The following CSMD1 variants were observed in gnomAD, a reference collection of about 807,000 sequenced individuals.
CSMD1 encodes the protein CUB and Sushi multiple domains 1.
A neutral mutation model predicts 417.5 loss-of-function variants in CSMD1; 213 were observed. The ratio of observed to expected loss-of-function variants is 0.51; its 90% confidence interval spans 0.46 to 0.57. The LOEUF (loss-of-function observed/expected upper bound fraction) is 0.57, where lower values mean the gene tolerates loss of function less well. Ranked by LOEUF, CSMD1 falls within the 20% of genes least tolerant of loss-of-function variation. The pLI, the probability that CSMD1 is intolerant of heterozygous loss-of-function variation, is 0.00. For synonymous variants in CSMD1, 2,862 were observed against 1,736.8 expected (o/e 1.65, Z -16.11); for missense variants, 6,923 against 4,529.7 (o/e 1.53, Z -15.17).
chr8:4,233,520 G>C (rs1801867325), intron 3 of CSMD1, among the ~76,000 whole-genome samples: 1 of 152,154 alleles, frequency 6.6e-6, no homozygotes. Flanking sequence ...CCTTATAAAA[G>C]AGGACGCAGA....
At chr8:3,786,359 G>A (rs748911444) in intron 5 of CSMD1, among the ~76,000 whole-genome samples, 2 of 152,128 alleles carry the variant, frequency 1.3e-5, no homozygotes, top group Non-Finnish European at 2.9e-5. Flanking sequence ...GGGCTTGGGT[G>A]ACCTCATTTA....
chr8:3,345,456 G>C (rs1807928180), intron 22 of CSMD1, among the ~76,000 whole-genome samples: 1 of 152,054 alleles, frequency 6.6e-6, no homozygotes, highest in African/African-American at 2.4e-5. Context: ...GTTCTCTAAA[G>C]TTAAAATCTG....
In CSMD1 at chr8:4,220,169, T is replaced by C. The variant is rs116053621; in HGVS notation, c.416-188070A>G. Among the ~76,000 whole-genome samples, 312 of 152,308 alleles carry C rather than the reference T, an allele frequency of 2.0e-3. 1 individual carries two copies. Among genetic ancestry groups the C allele is most frequent in the African/African-American group, 7.0e-3 (292 of 41,566 alleles). ...TTTTGCCATGTCGGCCAAGCTCGTC[T>C]TGAACTCCTGACGTCAGGTGATGTG... On this transcript the variant is annotated intron_variant, in intron 3 of 69. Coordinates refer to ENST00000635120, the MANE Select transcript of CSMD1 (RefSeq NM_033225.6).
At chr8:3,021,936 G>A (rs546701330) in intron 51 of CSMD1, among the ~76,000 whole-genome samples, 92 of 135,988 alleles carry the variant, frequency 6.8e-4, no homozygotes, top group African/African-American at 2.5e-3. Context: ...CACAGCATCC[G>A]GAAAGCACCT....
intron 49 of CSMD1, among the ~76,000 whole-genome samples, chr8:3,074,061 C>A (rs374589023): frequency 6.6e-6 from 1 of 152,300 alleles, no homozygotes; most frequent in African/African-American, 2.4e-5. Context: ...CACCTGGAGG[C>A]GCGGGAAGAA....
chr8:3,665,832 G>A (rs564253520), intron 7 of CSMD1, among the ~76,000 whole-genome samples: 5 of 152,082 alleles, frequency 3.3e-5, no homozygotes, highest in Non-Finnish European at 5.9e-5. Flanking sequence ...TCAACCCAAG[G>A]CTTAGGCTCC....
chr8:3,987,605 C>G lies in CSMD1; in HGVS notation c.818+10298G>C, dbSNP rs182002666. ...ATTCCTCGTTCTTCTCACTCTAAGG[C>G]CAATTCTGAGAACTGTGAAGGATGA... On this transcript the variant is annotated intron_variant, in intron 5 of 69. Transcript: ENST00000635120. 2.6e-5 allele frequency among the ~76,000 whole-genome samples: 4 copies of G among 152,192 alleles called. No individual in the cohort carries two copies. In the East Asian group the frequency reaches 7.7e-4, roughly 29 times the overall value.
chr8:4,279,995 A>G (rs1796693059), intron 3 of CSMD1, among the ~76,000 whole-genome samples: 1 of 152,250 alleles, frequency 6.6e-6, no homozygotes, highest in Admixed American at 6.5e-5. Context: ...AAACAGAAAC[A>G]CAGGGGCCTA....
At chr8:4,046,934 C>A (rs3843920) in intron 3 of CSMD1, among the ~76,000 whole-genome samples, 53,285 of 151,982 alleles carry the variant, frequency 0.35, 10,721 homozygotes, top group East Asian at 0.67. Context: ...CAAGAGGGAA[C>A]TTGAGTCCTA....
intron 8 of CSMD1, among the ~76,000 whole-genome samples, chr8:3,607,844 G>C (rs1188184873): frequency 6.6e-6 from 1 of 152,182 alleles, no homozygotes; most frequent in African/African-American, 2.4e-5. Context: ...TGGCAGAAAG[G>C]AGATGATACT....
intron 5 of CSMD1, among the ~76,000 whole-genome samples, chr8:3,855,278 C>G (rs1027811952): frequency 6.6e-6 from 1 of 152,038 alleles, no homozygotes. Context: ...ATACAAAAAT[C>G]TGTCTTTGCA....
At chr8:4,663,749 G>C (rs1410938218) in intron 1 of CSMD1, among the ~76,000 whole-genome samples, 2 of 152,196 alleles carry the variant, frequency 1.3e-5, no homozygotes, top group African/African-American at 4.8e-5. Flanking sequence ...GTCACAGGTA[G>C]TTCTTTAAAG....
chr8:4,411,244 T>C (rs1050649245), intron 3 of CSMD1, among the ~76,000 whole-genome samples: 1 of 152,340 alleles, frequency 6.6e-6, no homozygotes, highest in African/African-American at 2.4e-5. Context: ...CATATTTTGT[T>C]ACTGAAAATT....
chr8:3,744,304 C>A (rs1796959601), intron 6 of CSMD1, among the ~76,000 whole-genome samples: 1 of 152,102 alleles, frequency 6.6e-6, no homozygotes, highest in Admixed American at 6.5e-5. Flanking sequence ...GGGGACACAG[C>A]ACGGAGAGCA....
chr8:3,876,832 G>T (rs963798333), intron 5 of CSMD1, among the ~76,000 whole-genome samples: 1 of 152,160 alleles, frequency 6.6e-6, no homozygotes, highest in African/African-American at 2.4e-5. Context: ...AGGTGGTCTT[G>T]AACTTCTGAC....
chr8:3,911,933 T>C (rs1173358843), intron 5 of CSMD1, among the ~76,000 whole-genome samples: 1 of 152,202 alleles, frequency 6.6e-6, no homozygotes, highest in Admixed American at 6.5e-5. Flanking sequence ...CTCTATGTGT[T>C]TTCCCTATAT....
intron 5 of CSMD1, among the ~76,000 whole-genome samples, chr8:3,821,593 C>T (rs936867615): frequency 6.6e-6 from 1 of 152,036 alleles, no homozygotes; most frequent in Non-Finnish European, 1.5e-5. Flanking sequence ...ACCAGCCTGG[C>T]CAACACAGTG....
chr8:4,290,895 CTG>C (rs1037517050), intron 3 of CSMD1, among the ~76,000 whole-genome samples: 1 of 152,206 alleles, frequency 6.6e-6, no homozygotes, highest in Non-Finnish European at 1.5e-5. Flanking sequence ...TGTCAGCTCT[CTG>C]TAATTCCGCC....
chr8:4,657,424 G>T lies in CSMD1; in HGVS notation c.86-19866C>A, dbSNP rs1363805446. ...TTCATGTCCATTCCCTTCCCTCTCTGTCTCTCTTTCTCACTCACGCACTCT... is the reference window on the plus strand; with the variant it reads ...TTCATGTCCATTCCCTTCCCTCTCTTTCTCTCTTTCTCACTCACGCACTCT... On this transcript the variant is annotated intron_variant, in intron 1 of 69. Transcript: ENST00000635120. 2.0e-5 allele frequency among the ~76,000 whole-genome samples: 3 copies of T among 151,626 alleles called. No individual in the cohort carries two copies. In the South Asian group the frequency reaches 6.2e-4, roughly 32 times the overall value.
Sources: gnomAD v4.1 joint callset for allele counts (sites outside exome capture counted in the v4.1 genomes callset) on GRCh38, gnomAD v4.1.1 for gene constraint, MANE v1.5 for transcripts, NCBI Gene and HGNC (gene_info 2026-07-23, HGNC 2026-07-21) for gene names.